The following NSUN6 variants were observed in gnomAD, a reference collection of about 807,000 sequenced individuals.
NSUN6 encodes tRNA (cytosine(72)-C(5))-methyltransferase NSUN6.
A neutral mutation model predicts 58.0 loss-of-function variants in NSUN6; 64 were observed. The observed-to-expected ratio is 1.10, with a 90% confidence interval of 0.90 to 1.36. The LOEUF is 1.36. Ranked by LOEUF, NSUN6 falls within the 40% of genes most tolerant of loss-of-function variation. NSUN6 has a pLI of 0.00. For missense variants in NSUN6, 701 were observed against 550.1 expected (o/e 1.27, Z -2.74); for synonymous variants, 231 against 193.9 (o/e 1.19, Z -1.59).
At chr10:18,565,547 C>T (rs935404355) in intron 8 of NSUN6, among the ~76,000 whole-genome samples, 5 of 150,474 alleles carry the variant, frequency 3.3e-5, no homozygotes, top group East Asian at 2.0e-4. Context: ...CTCCATTCTC[C>T]GTGGCATTCC....
rs2058904953 is a variant in NSUN6 at position 18,628,425 on chromosome 10, G to C, written c.312-12132C>G. On this transcript the variant is annotated intron_variant, in intron 3 of 10. Transcript: ENST00000377304. ...ATGGAGAATGACTTTGAGGAGCTGA[G>C]AGAAGAAGGCTTCAGACGACCAAAT... Among the ~76,000 whole-genome samples, 3 of 152,226 alleles carry C rather than the reference G, an allele frequency of 2.0e-5. No individual in the cohort carries two copies. In the South Asian group the frequency reaches 6.2e-4, roughly 31 times the overall value.
rs145738296 is a variant in NSUN6 at position 18,586,937 on chromosome 10, G to A, written c.778-844C>T. On this transcript the variant is annotated intron_variant, in intron 7 of 10. Coordinates refer to ENST00000377304, the MANE Select transcript of NSUN6 (RefSeq NM_182543.5). ...CTAGACACAGAGCACTGATTGGTGC[G>A]TTTACAATCCTCTAGCTCGACAGAA... Among the ~76,000 whole-genome samples the A allele has an allele frequency of 4.5e-3, 684 of 152,230 alleles. 5 individuals are homozygous for A. Among genetic ancestry groups the A allele is most frequent in the African/African-American group, 0.015 (639 of 41,518 alleles).
chr10:18,616,427 G>C (rs2058412648), intron 3 of NSUN6, 134 bp from the exon 4 acceptor site: 1 of 554,728 alleles, frequency 1.8e-6, no homozygotes, highest in African/African-American at 1.9e-5. Context: ...GCTGAAAAGA[G>C]AGGCATACAT....
In NSUN6 at chr10:18,622,479, C is replaced by A. The variant is rs571562389; in HGVS notation, c.312-6186G>T. ...CTGTAATTCCAGCACTTTAGGAGTACGAGGTGGGCAGATTACCTGAGGTCA... is the reference window on the plus strand; with the variant it reads ...CTGTAATTCCAGCACTTTAGGAGTAAGAGGTGGGCAGATTACCTGAGGTCA... On this transcript the variant is annotated intron_variant, in intron 3 of 10. Transcript: ENST00000377304. 2.0e-3 allele frequency among the ~76,000 whole-genome samples: 306 copies of A among 152,244 alleles called. 2 individuals are homozygous for A. The highest frequency in any genetic ancestry group is 7.2e-3 in the African/African-American group (299 of 41,542).
chr10:18,627,807 G>GT (rs2131449582), intron 3 of NSUN6, among the ~76,000 whole-genome samples: 2 of 152,364 alleles, frequency 1.3e-5, no homozygotes, highest in African/African-American at 4.8e-5. Context: ...AGATCAAACT[G>GT]TAAGGCGGCA....
chr10:18,563,335 T>C (rs1458410203), intron 8 of NSUN6, among the ~76,000 whole-genome samples: 1 of 149,570 alleles, frequency 6.7e-6, no homozygotes, highest in Non-Finnish European at 1.5e-5. Context: ...GATTACAGAA[T>C]GGAATAGAAT....
At chr10:18,651,814 A>C (rs539370223), upstream of NSUN6, 2 of 985,392 alleles carry the variant, frequency 2.0e-6, no homozygotes, top group East Asian at 2.3e-4. Context: ...GGGATGGTCA[A>C]AGATATTTAG....
intron 1 of NSUN6, among the ~76,000 whole-genome samples, chr10:18,650,493 T>C (rs1018159412): frequency 6.6e-6 from 1 of 152,164 alleles, no homozygotes; most frequent in African/African-American, 2.4e-5. Context: ...AAGAGAAAAA[T>C]CTAGGTTAAG....
intron 8 of NSUN6, among the ~76,000 whole-genome samples, chr10:18,571,845 C>T (rs543287433): frequency 5.3e-4 from 80 of 150,550 alleles, no homozygotes; most frequent in South Asian, 1.7e-3. Context: ...TTATTCACCA[C>T]GGCATTCCAT....
At chr10:18,603,780 C>A (rs1409918807) in intron 6 of NSUN6, among the ~76,000 whole-genome samples, 1 of 152,126 alleles carries the variant, frequency 6.6e-6, no homozygotes, top group Non-Finnish European at 1.5e-5. Flanking sequence ...CCTGGCCACA[C>A]ACCCTTTTTA....
intron 7 of NSUN6, among the ~76,000 whole-genome samples, chr10:18,586,767 C>G (rs1840499650): frequency 6.6e-6 from 1 of 151,652 alleles, no homozygotes; most frequent in African/African-American, 2.4e-5. Flanking sequence ...GGAAGGGGAC[C>G]CTAGCGGCTT....
At chr10:18,576,870 T>C (rs1377323031) in intron 8 of NSUN6, among the ~76,000 whole-genome samples, 3 of 152,194 alleles carry the variant, frequency 2.0e-5, no homozygotes, top group Admixed American at 1.3e-4. Context: ...CCTTTCACCC[T>C]GGCATTTCAT....
intron 7 of NSUN6, among the ~76,000 whole-genome samples, chr10:18,586,620 G>A (rs147225258): frequency 0.13 from 19,014 of 149,472 alleles, 1,500 homozygotes; most frequent in Middle Eastern, 0.24. Context: ...CAGTGGGTTC[G>A]TGGTCTCGCT....
chr10:18,562,103 C>T (rs934591263), intron 8 of NSUN6, among the ~76,000 whole-genome samples: 3 of 134,872 alleles, frequency 2.2e-5, no homozygotes, highest in Admixed American at 7.6e-5. Flanking sequence ...TGGAATGGAA[C>T]GGAAAGTGGA....
intron 3 of NSUN6, among the ~76,000 whole-genome samples, chr10:18,621,310 G>C (rs2058598057): frequency 6.6e-6 from 1 of 152,122 alleles, no homozygotes; most frequent in African/African-American, 2.4e-5. Context: ...GCTTGTGATG[G>C]TTTTCCCTTT....
chr10:18,596,690 C>A (rs1444836888), intron 6 of NSUN6, among the ~76,000 whole-genome samples: 1 of 152,106 alleles, frequency 6.6e-6, no homozygotes, highest in Non-Finnish European at 1.5e-5. Flanking sequence ...AAGCCAGAGA[C>A]CTCTAAAATT....
intron 7 of NSUN6, among the ~76,000 whole-genome samples, chr10:18,592,596 G>C (rs1347587860): frequency 6.6e-6 from 1 of 152,134 alleles, no homozygotes; most frequent in Non-Finnish European, 1.5e-5. Flanking sequence ...TGACAAACCT[G>C]ACAAAAACAA....
intron 3 of NSUN6, among the ~76,000 whole-genome samples, chr10:18,620,636 T>C (rs1197663008): frequency 6.6e-6 from 1 of 152,208 alleles, no homozygotes; most frequent in Non-Finnish European, 1.5e-5. Context: ...TTCGGCCTAA[T>C]TTCTCCTCAC....
At chr10:18,616,630 T>A (rs1387862524) in intron 3 of NSUN6, among the ~76,000 whole-genome samples, 1 of 152,092 alleles carries the variant, frequency 6.6e-6, no homozygotes, top group Middle Eastern at 3.2e-3. Flanking sequence ...AATAGAAAAA[T>A]ACACAAGGAA....
Sources: allele counts gnomAD v4.1 joint callset (sites outside exome capture counted in the v4.1 genomes callset), GRCh38; gene constraint gnomAD v4.1.1; transcripts MANE v1.5; gene names NCBI Gene and HGNC (gene_info 2026-07-23, HGNC 2026-07-21).